Variants in SCN10A observed in about 807,000 individuals in gnomAD.
The protein encoded by SCN10A is sodium voltage-gated channel alpha subunit 10.
A neutral mutation model predicts 170.7 loss-of-function variants in SCN10A; 162 were observed. The observed-to-expected ratio is 0.95, with a 90% CI of 0.84 to 1.08. The LOEUF (loss-of-function observed/expected upper bound fraction) is 1.08, where lower values mean the gene tolerates loss of function less well. Ranked by LOEUF, SCN10A falls within the 50% of genes least tolerant of loss-of-function variation. SCN10A has a pLI of 0.00. For missense variants in SCN10A, 2,527 were observed against 2,436.9 expected (o/e 1.04, Z -0.78); for synonymous variants, 985 against 904.6 (o/e 1.09, Z -1.59).
chr3:38,703,187 A>T (rs2125983741), intron 26 of SCN10A, among the ~76,000 whole-genome samples: 1 of 152,220 alleles, frequency 6.6e-6, no homozygotes, highest in African/African-American at 2.4e-5. Flanking sequence ...TCACTTCTTC[A>T]TTACTGCCGC....
chr3:38,742,388 G>T lies in SCN10A; in HGVS notation c.2009C>A (p.Thr670Asn). The T allele has an allele frequency of 6.2e-7, 1 of 1,614,214 alleles. No homozygotes were observed. The highest frequency in any genetic ancestry group is 8.5e-7 in the Non-Finnish European group (1 of 1,180,036). ...GTTCACCACGATGCACAAGGTGATG[G>T]TGAGCTCTGCAAAGGGATCCGTCAC... is the stretch of plus-strand genomic sequence containing the variant. ...GLVTDPFAEL[T>N]ITLCIVVNTI... Residue 670 changes from threonine to asparagine, a missense_variant, in exon 14 of 28, where the codon ACC becomes AAC. By Grantham distance (65) the Thr-to-Asn change is moderately conservative. Transcript: ENST00000449082.
chr3:38,717,816 G>A (rs959817768), intron 21 of SCN10A, among the ~76,000 whole-genome samples: 2 of 152,172 alleles, frequency 1.3e-5, no homozygotes, highest in Non-Finnish European at 2.9e-5. Context: ...TCAGCTATGC[G>A]GCAGTGAACA....
At chr3:38,792,599 C>G (rs1010728538) in intron 2 of SCN10A, among the ~76,000 whole-genome samples, 2 of 152,186 alleles carry the variant, frequency 1.3e-5, no homozygotes, top group African/African-American at 4.8e-5. Context: ...CTCTTAAATC[C>G]TCTCCTGGTT....
chr3:38,728,822 A>G lies in SCN10A; in HGVS notation c.2360T>C (p.Leu787Pro). 1 of 1,614,204 alleles carries G rather than the reference A, an allele frequency of 6.2e-7. No individual in the cohort carries two copies. Among genetic ancestry groups the G allele is most frequent in the Non-Finnish European group, 8.5e-7 (1 of 1,180,026 alleles). ...GGCCAGGATGATGGTGAGGTTCCCC[A>G]GTGCCCCCACTGAGTTTCCGATGAT... ...IKIIGNSVGA[L>P]GNLTIILAII... The change falls in exon 16 of 28, where the codon CTG (leucine) becomes CCG (proline). Residue 787 changes from leucine (L) to proline (P), a missense_variant. Transcript: ENST00000449082.
intron 15 of SCN10A, among the ~76,000 whole-genome samples, chr3:38,739,289 C>A (rs2063603764): frequency 6.6e-6 from 1 of 152,150 alleles, no homozygotes; most frequent in African/African-American, 2.4e-5. Flanking sequence ...CCTCTTGGTG[C>A]AGATAAGGGA....
At chr3:38,754,639 G>A (rs1010288791) in intron 11 of SCN10A, among the ~76,000 whole-genome samples, 2 of 152,186 alleles carry the variant, frequency 1.3e-5, no homozygotes, top group African/African-American at 2.4e-5. Flanking sequence ...TGTATGCCAG[G>A]TGCTGCTCAA....
intron 15 of SCN10A, among the ~76,000 whole-genome samples, chr3:38,729,503 C>A (rs1323805609): frequency 6.6e-6 from 1 of 152,102 alleles, no homozygotes; most frequent in Non-Finnish European, 1.5e-5. Flanking sequence ...TCCAGCCGTG[C>A]AGGTGCATGG....
intron 4 of SCN10A, among the ~76,000 whole-genome samples, chr3:38,783,860 T>C (rs2064167579): frequency 6.6e-6 from 1 of 152,112 alleles, no homozygotes; most frequent in South Asian, 2.1e-4. Context: ...TCATTCCCAA[T>C]ACTTGGTATT....
chr3:38,719,546 A>G (rs571508089), intron 20 of SCN10A, among the ~76,000 whole-genome samples: 2 of 151,450 alleles, frequency 1.3e-5, no homozygotes, highest in Admixed American at 1.3e-4. Flanking sequence ...GGCGCCCGCC[A>G]CTACGCCCGG....
intron 27 of SCN10A, among the ~76,000 whole-genome samples, chr3:38,700,553 T>C (rs190126408): frequency 2.0e-5 from 3 of 152,320 alleles, no homozygotes; most frequent in Admixed American, 2.0e-4. Context: ...ATCTCCAAAC[T>C]CATAAAGTTG....
At chr3:38,699,352 T>C (rs1320488259) in intron 27 of SCN10A, among the ~76,000 whole-genome samples, 1 of 152,150 alleles carries the variant, frequency 6.6e-6, no homozygotes, top group Non-Finnish European at 1.5e-5. Context: ...ATATGATGTC[T>C]AACTTGAAGA....
Position 38,712,354 on chromosome 3 carries a change from C to T in SCN10A, c.3896G>A (p.Gly1299Asp). ...LIFWLIFSIM[G>D]VNLFAGKFWR... is the part of the protein sequence containing the mutation. ...AAACTTCCCTGCGAAGAGGTTCACA[C>T]CCATGATGCTGAAGATGAGCCAGAA... is the stretch of plus-strand genomic sequence containing the variant. Residue 1299 changes from glycine (G) to aspartate (D), a missense_variant, in exon 23 of 28, where the codon GGT becomes GAT. Transcript: ENST00000449082. 6.2e-7 allele frequency: 1 copy of T among 1,614,152 alleles called. No homozygotes were observed. Among genetic ancestry groups the T allele is most frequent in the Non-Finnish European group, 8.5e-7 (1 of 1,180,026 alleles).
chr3:38,788,977 G>A lies in SCN10A; in HGVS notation c.449C>T (p.Thr150Ile). ...TCACTCAATTTTCTCTGGAAGGTCA[G>A]TTCGGGTCATGCACACACAATTAAC... ...ILVNCVCMTR[T>I]DLPEKIEYVF... The change falls in exon 4 of 28, where the codon ACT becomes ATT. Residue 150 changes from threonine (T) to isoleucine (I), a missense_variant. Physicochemically the swap from Thr to Ile is moderately conservative, Grantham distance 89. Coordinates refer to ENST00000449082, the MANE Select transcript of SCN10A (RefSeq NM_006514.4). 5.0e-6 allele frequency: 8 copies of A among 1,608,600 alleles called. No homozygotes were observed. The highest frequency in any genetic ancestry group is 2.2e-5 in the South Asian group (2 of 90,940).
chr3:38,751,501 C>G (rs1019439758), intron 12 of SCN10A, among the ~76,000 whole-genome samples: 3 of 152,154 alleles, frequency 2.0e-5, no homozygotes, highest in African/African-American at 7.2e-5. Flanking sequence ...TCAGTGGAAC[C>G]ATTTATTGGT....
intron 4 of SCN10A, among the ~76,000 whole-genome samples, chr3:38,784,524 C>T (rs1466798539): frequency 2.6e-5 from 4 of 152,148 alleles, no homozygotes; most frequent in Non-Finnish European, 5.9e-5. Context: ...CAGCCAATAT[C>T]ATACTGAATG....
intron 26 of SCN10A, 58 bp downstream of exon 26, chr3:38,707,221 T>C: frequency 6.4e-7 from 1 of 1,568,316 alleles, no homozygotes; most frequent in African/African-American, 1.4e-5. Context: ...GACACAGGCA[T>C]AGACTGTCAT....
chr3:38,793,606 A>ATTTT, intron 2 of SCN10A, 135 bp downstream of exon 2: 1 of 711,220 alleles, frequency 1.4e-6, no homozygotes, highest in Non-Finnish European at 2.4e-6. Flanking sequence ...ATATATATAT[A>ATTTT]TTTTTTTTGG....
intron 4 of SCN10A, among the ~76,000 whole-genome samples, chr3:38,775,665 G>T (rs1263011583): frequency 6.6e-6 from 1 of 152,106 alleles, no homozygotes. Flanking sequence ...ATATAGTGAA[G>T]ATATGCTGAC....
Position 38,701,851 on chromosome 3 carries a change from G to A in SCN10A, c.4645C>T (p.Leu1549Phe). 1 of 1,608,436 alleles carries A rather than the reference G, an allele frequency of 6.2e-7. No homozygotes were observed. Among genetic ancestry groups the A allele is most frequent in the Non-Finnish European group, 8.5e-7 (1 of 1,176,988 alleles). The change falls in exon 27 of 28, where the codon CTC becomes TTC. Residue 1549 changes from leucine to phenylalanine, a missense_variant. By Grantham distance (22) the Leu-to-Phe change is conservative (BLOSUM62 0). Transcript: ENST00000449082. Reference protein sequence around the residue: ...WNVFDFIVVVLSIASLIFSAI... With the variant: ...WNVFDFIVVVFSIASLIFSAI... ...GCTGCCCACTTACTCGCAATGGAGAGAACCACCACAATGAAGTCAAACACA... is the reference window on the plus strand; with the variant it reads ...GCTGCCCACTTACTCGCAATGGAGAAAACCACCACAATGAAGTCAAACACA...
Sources: gnomAD v4.1 joint callset for allele counts (sites outside exome capture counted in the v4.1 genomes callset) on GRCh38, gnomAD v4.1.1 for gene constraint, MANE v1.5 for transcripts, NCBI Gene and HGNC (gene_info 2026-07-23, HGNC 2026-07-21) for gene names.